THOP1: variants seen among roughly 807,000 people sequenced by gnomAD.
THOP1 encodes thimet oligopeptidase 1, also known as thimet oligopeptidase.
Under a neutral mutation model 71.8 loss-of-function variants are expected in THOP1, and 49 were observed. The ratio of observed to expected loss-of-function variants is 0.68; its 90% CI spans 0.54 to 0.87. The LOEUF (loss-of-function observed/expected upper bound fraction) is 0.87. Ranked by LOEUF, THOP1 falls within the 40% of genes least tolerant of loss-of-function variation. The pLI, the probability that THOP1 is intolerant of heterozygous loss-of-function variation, is 0.00. For missense variants in THOP1, 843 were observed against 975.6 expected, an observed-to-expected ratio of 0.86 and a Z score of 1.81; for synonymous variants, 426 against 421.5, an observed-to-expected ratio of 1.01 and a Z score of -0.13.
At position 2,813,298 on chromosome 19, in the gene THOP1, A is replaced by G. The variant is rs1916532327; in HGVS notation, c.*22A>G. 6.3e-7 allele frequency: 1 copy of G among 1,593,874 alleles called. No individual in the cohort carries two copies. The highest frequency in any genetic ancestry group is 1.7e-5 in the Admixed American group (1 of 58,748). On this transcript the variant is annotated 3_prime_UTR_variant, in exon 13 of 13. Transcript: ENST00000307741. ...CTGAGGCCTGGCACTGCGACTGCCC[A>G]GTCTGGCCTGCGCTCCCGCCGCCCT... is the stretch of plus-strand genomic sequence containing the variant.
chr19:2,796,338 A>G (rs1916013525), intron 4 of THOP1, 150 bp downstream of exon 4: 5 of 611,706 alleles, frequency 8.2e-6, no homozygotes, highest in Admixed American at 2.8e-5. Flanking sequence ...CGGCTCAGGG[A>G]GTGCTTGGGG....
chr19:2,808,447 G>T lies in THOP1; in HGVS notation c.1455+3G>T. ...TGATGCACCAGCTCTGCTCCCAGGT[G>T]GGTGCGGGCCCGGGCAGGGGCAGGG... On this transcript the variant is annotated splice_donor_region_variant and intron_variant, in intron 9 of 12. Transcript: ENST00000307741. 1 of 1,600,116 alleles carries T rather than the reference G, an allele frequency of 6.2e-7. No individual in the cohort carries two copies. The highest frequency in any genetic ancestry group is 8.5e-7 in the Non-Finnish European group (1 of 1,171,154).
In THOP1 at chr19:2,801,186, G is replaced by A. The variant is rs1412142391; in HGVS notation, c.589+1395G>A. On this transcript the variant is annotated intron_variant, in intron 5 of 12. Transcript: ENST00000307741. This position sits in a 1 kb window ranked among gnomAD's most constrained non-coding sequence, Gnocchi z 5.1. Reference sequence around the variant, plus strand: ...AGTTATCTGTCCGTGCCAGCTCGTGGGTCCTGGGTGTGAATCCTGGGGAAG... The same window carrying A: ...AGTTATCTGTCCGTGCCAGCTCGTGAGTCCTGGGTGTGAATCCTGGGGAAG... Among the ~76,000 whole-genome samples, 8 of 152,168 alleles carry A rather than the reference G, an allele frequency of 5.3e-5. No homozygotes were observed. The highest frequency in any genetic ancestry group is 1.0e-4 in the Non-Finnish European group (7 of 68,024).
chr19:2,807,079 G>A lies in THOP1; in HGVS notation c.886+27G>A, dbSNP rs779633093. On this transcript the variant is annotated intron_variant, in intron 7 of 12. Transcript: ENST00000307741. ...TAGCCCTTCCTTCCTCCTCCACTGG[G>A]GTCCCTGTGGGGAAGGTTCTCAGGG... 7.5e-6 allele frequency: 12 copies of A among 1,594,684 alleles called. No individual in the cohort carries two copies. In the Admixed American group the frequency reaches 1.8e-4, roughly 24 times the overall value.
chr19:2,793,873 C>T (rs562745543), intron 2 of THOP1, among the ~76,000 whole-genome samples: 1 of 152,198 alleles, frequency 6.6e-6, no homozygotes, highest in African/African-American at 2.4e-5. Context: ...GTGGATGGAC[C>T]TTTTGTCAAT....
At chr19:2,794,331 T>TCAACCTAA (rs1915959050) in intron 2 of THOP1, among the ~76,000 whole-genome samples, 1 of 152,170 alleles carries the variant, frequency 6.6e-6, no homozygotes, top group Non-Finnish European at 1.5e-5. Flanking sequence ...TATGCTTTTC[T>TCAACCTAA]AGCCACTGAC....
intron 4 of THOP1, among the ~76,000 whole-genome samples, chr19:2,797,996 G>A (rs1254210052): frequency 6.6e-6 from 1 of 152,174 alleles, no homozygotes; most frequent in Non-Finnish European, 1.5e-5. Context: ...AGCCGCAGCG[G>A]ACAAGAGCCA....
intron 8 of THOP1, 186 bp from the exon 9 acceptor site, chr19:2,808,057 C>T: frequency 1.3e-6 from 1 of 771,798 alleles, no homozygotes; most frequent in South Asian, 2.0e-5. Flanking sequence ...GGAGGGATGG[C>T]AGCCGGGGCC....
Position 2,796,311 on chromosome 19 carries a change from T to C in THOP1, c.486+123T>C, listed in dbSNP as rs1334104019. The stretch of plus-strand genomic sequence containing the variant: ...AAGAAGCGCAGGGCAGGGGGAGTGC[T>C]GGGCTCGGGGAGTGCTCGGCTCAGG... On this transcript the variant is annotated intron_variant, in intron 4 of 12. Coordinates refer to ENST00000307741, the MANE Select transcript of THOP1 (RefSeq NM_003249.5). 1.8e-5 allele frequency: 14 copies of C among 768,434 alleles called. No homozygotes were observed. In the East Asian group the frequency reaches 2.2e-4, roughly 12 times the overall value. 47.6% of individuals were successfully genotyped at this position (768,434 alleles called of 1,614,324 possible).
chr19:2,813,064 G>A, intron 12 of THOP1, 51 bp from the exon 13 acceptor site: 2 of 1,549,806 alleles, frequency 1.3e-6, no homozygotes, highest in Non-Finnish European at 1.7e-6. Flanking sequence ...GGGGTCCTCT[G>A]CCTTCCTCCC....
intron 3 of THOP1, 117 bp from the exon 4 acceptor site, chr19:2,795,964 G>T: frequency 1.4e-6 from 1 of 689,780 alleles, no homozygotes; most frequent in Middle Eastern, 2.5e-4. Context: ...ATGCCCAGGA[G>T]TGCAGTTGCC....
chr19:2,813,361 G>A lies in THOP1; in HGVS notation c.*85G>A, dbSNP rs1046573634. ...CCCGGCACAGGATGGGGCAGGCTCT[G>A]GCACAGTGCCTGGGACTGGCAGGGT... is the stretch of plus-strand genomic sequence containing the variant. On this transcript the variant is annotated 3_prime_UTR_variant, in exon 13 of 13. Coordinates refer to ENST00000307741, the MANE Select transcript of THOP1 (RefSeq NM_003249.5). The A allele has an allele frequency of 4.2e-5, 60 of 1,440,854 alleles. 1 individual carries two copies. The African/African-American group carries it at 7.1e-4, about 17-fold the overall frequency. The allele number at this position is 1,440,854 out of a possible 1,614,324, so 89.3% of individuals were successfully genotyped here.
At position 2,799,671 on chromosome 19, in the gene THOP1, C is replaced by T. The variant is rs1414076329; in HGVS notation, c.487-18C>T. ...GCCCCGGTCTCTCCCTCCCCTCACG[C>T]CCCGCCTTTCTCTCCAGAACATCAA... On this transcript the variant is annotated intron_variant, in intron 4 of 12. Coordinates refer to ENST00000307741, the MANE Select transcript of THOP1 (RefSeq NM_003249.5). 1 of 1,608,768 alleles carries T rather than the reference C, an allele frequency of 6.2e-7. No homozygotes were observed. The highest frequency in any genetic ancestry group is 1.1e-5 in the South Asian group (1 of 90,902).
At position 2,805,461 on chromosome 19, in the gene THOP1, C is replaced by T. The variant is rs1916267195; in HGVS notation, c.750+285C>T. Among the ~76,000 whole-genome samples the T allele has an allele frequency of 6.6e-6, 1 of 152,230 alleles. No individual in the cohort carries two copies. Among genetic ancestry groups the T allele is most frequent in the Non-Finnish European group, 1.5e-5 (1 of 68,036 alleles). On this transcript the variant is annotated intron_variant, in intron 6 of 12. Transcript: ENST00000307741. The surrounding 1 kb of genome is among the most constrained non-coding windows in gnomAD (Gnocchi z 6.6). ...TCTGAGCATCTGGCCGCGCACACGT[C>T]TCGTCCCTCCCTTATCTGGAGCCGC...
At position 2,794,786 on chromosome 19, in the gene THOP1, C is replaced by G. The variant is rs1367007369; in HGVS notation, c.252C>G (p.Phe84Leu). 1.9e-6 allele frequency: 3 copies of G among 1,613,792 alleles called. No homozygotes were observed. The highest frequency in any genetic ancestry group is 2.5e-6 in the Non-Finnish European group (3 of 1,179,790). Reference protein sequence around the residue: ...TYTVQRNILDFPQHVSPSKDI... With the variant: ...TYTVQRNILDLPQHVSPSKDI... ...TAGTTCAGAGGAATATCCTTGACTT[C>G]CCCCAGCATGTTTCCCCCTCCAAGG... Residue 84 changes from phenylalanine (F) to leucine (L), a missense_variant, in exon 3 of 13, where the codon TTC becomes TTG. By Grantham distance (22) the Phe-to-Leu change is conservative. Transcript: ENST00000307741.
At chr19:2,791,933 C>T (rs768670183) in intron 2 of THOP1, among the ~76,000 whole-genome samples, 17 of 152,252 alleles carry the variant, frequency 1.1e-4, no homozygotes, top group Non-Finnish European at 2.1e-4. Flanking sequence ...TCGTGCCTGG[C>T]ACCCTCCCCC....
intron 7 of THOP1, 57 bp downstream of exon 7, chr19:2,807,109 C>T: frequency 6.5e-7 from 1 of 1,545,904 alleles, no homozygotes; most frequent in South Asian, 1.2e-5. Flanking sequence ...TCAGGGTCAC[C>T]CCAGGGGACA....
In THOP1 at chr19:2,812,246, C is replaced by G. The variant is rs949567819; in HGVS notation, c.1908+512C>G. ...CGTTACGCCATGTGAGCCTGTGCCTCCCGCTGACTTGGTGTGACCCAGGCT... is the reference window on the plus strand; with the variant it reads ...CGTTACGCCATGTGAGCCTGTGCCTGCCGCTGACTTGGTGTGACCCAGGCT... On this transcript the variant is annotated intron_variant, in intron 12 of 12. Coordinates refer to ENST00000307741, the MANE Select transcript of THOP1 (RefSeq NM_003249.5). 3.9e-6 allele frequency: 6 copies of G among 1,534,274 alleles called. No homozygotes were observed. In the African/African-American group the frequency reaches 8.2e-5, roughly 21 times the overall value.
At chr19:2,795,915 G>C in intron 3 of THOP1, 166 bp from the exon 4 acceptor site, 1 of 571,134 alleles carries the variant, frequency 1.8e-6, no homozygotes, top group South Asian at 1.9e-5. Flanking sequence ...CGTTTGCACA[G>C]GTTTTATGTA....
Sources: gnomAD v4.1 joint callset for allele counts (sites outside exome capture counted in the v4.1 genomes callset) on GRCh38, gnomAD v4.1.1 for gene constraint, Gnocchi (gnomAD v3.1) non-coding constraint, MANE v1.5 for transcripts, NCBI Gene and HGNC (gene_info 2026-07-23, HGNC 2026-07-21) for gene names.